The following ARHGAP22 variants were observed in gnomAD, a reference collection of about 807,000 sequenced individuals.
ARHGAP22 encodes Rho GTPase activating protein 22.
In ARHGAP22, 48 loss-of-function variants were observed where a neutral mutation model predicts 59.1. The observed-to-expected ratio is 0.81, with a 90% CI of 0.64 to 1.03. The LOEUF (loss-of-function observed/expected upper bound fraction) is 1.03. Among genes scored for constraint, ARHGAP22 ranks in the 50% least tolerant of loss-of-function variants. ARHGAP22 has a pLI of 0.00. For synonymous variants in ARHGAP22, 445 were observed against 416.4 expected (o/e 1.07, Z -0.84); for missense variants, 1,015 against 958.7 (o/e 1.06, Z -0.78).
At chr10:48,651,382 A>T (rs2136218074) in intron 1 of ARHGAP22, among the ~76,000 whole-genome samples, 1 of 152,126 alleles carries the variant, frequency 6.6e-6, no homozygotes, top group East Asian at 1.9e-4. Context: ...GCAGCCCAGC[A>T]CCTGCACAAC....
At chr10:48,485,813 G>A (rs2049797082) in intron 3 of ARHGAP22, among the ~76,000 whole-genome samples, 1 of 152,056 alleles carries the variant, frequency 6.6e-6, no homozygotes. Context: ...TAGCCATCCA[G>A]TTTTCTTTTG....
chr10:48,487,579 G>A (rs1007733408), intron 3 of ARHGAP22, among the ~76,000 whole-genome samples: 7 of 152,250 alleles, frequency 4.6e-5, no homozygotes, highest in Admixed American at 1.3e-4. Context: ...AGGGAGCCAG[G>A]AGCTGATGAA....
intron 4 of ARHGAP22, among the ~76,000 whole-genome samples, chr10:48,469,289 C>T (rs1276449006): frequency 6.6e-6 from 1 of 152,206 alleles, no homozygotes; most frequent in African/African-American, 2.4e-5. Context: ...CCAATGCCCA[C>T]CCCACCTCAG....
chr10:48,583,181 A>G (rs2059222907), intron 1 of ARHGAP22, 29 bp from the exon 2 acceptor site: 1 of 1,600,718 alleles, frequency 6.2e-7, no homozygotes, highest in Non-Finnish European at 8.5e-7. Context: ...CAGAGTGAGC[A>G]TGAAGGCAGC....
At chr10:48,539,335 A>G (rs1054938249) in intron 3 of ARHGAP22, among the ~76,000 whole-genome samples, 2 of 125,640 alleles carry the variant, frequency 1.6e-5, no homozygotes, top group East Asian at 3.1e-4. Context: ...TCTGTCGCCC[A>G]GGCTGGAGTG....
intron 3 of ARHGAP22, among the ~76,000 whole-genome samples, chr10:48,499,899 A>G (rs4838608): frequency 0.23 from 35,697 of 152,204 alleles, 7,289 homozygotes; most frequent in East Asian, 0.59. Context: ...AATTCTCTCT[A>G]ATTTGGTCTA....
At position 48,521,508 on chromosome 10, in the gene ARHGAP22, A is replaced by G. The variant is rs527905776; in HGVS notation, c.322+33955T>C. 2.0e-5 allele frequency among the ~76,000 whole-genome samples: 3 copies of G among 152,394 alleles called. No individual in the cohort carries two copies. The East Asian group carries it at 5.8e-4, about 29-fold the overall frequency. On this transcript the variant is annotated intron_variant, in intron 3 of 9. Coordinates refer to ENST00000249601, the MANE Select transcript of ARHGAP22 (RefSeq NM_021226.4). ...AAACATGCTAAAATGTTCTGTTGTA[A>G]GAGTTTGATTCATCCAAGAATGAAA... is the stretch of plus-strand genomic sequence containing the variant.
chr10:48,519,774 C>T (rs550492208), intron 3 of ARHGAP22, among the ~76,000 whole-genome samples: 1 of 152,230 alleles, frequency 6.6e-6, no homozygotes, highest in East Asian at 1.9e-4. Context: ...TGGTGTGGTG[C>T]GGAAACCAGA....
At chr10:48,568,566 C>T (rs543569059) in intron 2 of ARHGAP22, among the ~76,000 whole-genome samples, 7 of 152,334 alleles carry the variant, frequency 4.6e-5, no homozygotes, top group East Asian at 3.9e-4. Context: ...AGGGCACATG[C>T]GCTGAGCCTC....
At chr10:48,543,221 C>A (rs2056129360) in intron 3 of ARHGAP22, among the ~76,000 whole-genome samples, 2 of 152,218 alleles carry the variant, frequency 1.3e-5, no homozygotes, top group Non-Finnish European at 2.9e-5. Context: ...GGCCATTGAG[C>A]CCCGCAGAGT....
chr10:48,654,781 T>A (rs1297339524), upstream of ARHGAP22, among the ~76,000 whole-genome samples: 6 of 56,138 alleles, frequency 1.1e-4, no homozygotes, highest in African/African-American at 3.1e-4. Context: ...TTACTTTCTT[T>A]CTTTCTTTCT....
chr10:48,544,074 G>T (rs952978399), intron 3 of ARHGAP22, among the ~76,000 whole-genome samples: 2 of 152,010 alleles, frequency 1.3e-5, no homozygotes, highest in African/African-American at 4.8e-5. Flanking sequence ...AGTGAGCCAA[G>T]ATCGTGCCAC....
At chr10:48,541,800 T>C (rs1444844897) in intron 3 of ARHGAP22, among the ~76,000 whole-genome samples, 3 of 152,184 alleles carry the variant, frequency 2.0e-5, no homozygotes, top group Non-Finnish European at 4.4e-5. Context: ...TGGCTGAAGT[T>C]TGATCACCTA....
chr10:48,431,078 A>G, the ARHGAP22 span: 4 of 690,476 alleles, frequency 5.8e-6, no homozygotes, highest in East Asian at 5.5e-5. Context: ...CTGTCATTGT[A>G]AGGACACTGT....
chr10:48,475,567 C>T (rs560638530), intron 4 of ARHGAP22, among the ~76,000 whole-genome samples: 1 of 152,192 alleles, frequency 6.6e-6, no homozygotes, highest in Admixed American at 6.5e-5. Context: ...ATCAAAACAT[C>T]CCAGAATTAT....
In ARHGAP22 at chr10:48,614,112, G is replaced by A. The variant is rs76604045; in HGVS notation, c.53-30960C>T. On this transcript the variant is annotated intron_variant, in intron 1 of 9. Coordinates refer to the ARHGAP22 transcript ENST00000435790. ...TTCACTATAAATTACTCAGTCTGTGGTATTCTGTTATAGCAGCATAAAATG... is the reference window on the plus strand; with the variant it reads ...TTCACTATAAATTACTCAGTCTGTGATATTCTGTTATAGCAGCATAAAATG... Among the ~76,000 whole-genome samples the A allele has an allele frequency of 5.4e-3, 823 of 152,314 alleles. 5 individuals carry two copies. The highest frequency in any genetic ancestry group is 8.9e-3 in the Non-Finnish European group (605 of 68,030).
Position 48,459,839 on chromosome 10 carries a change from G to A in ARHGAP22, c.504C>T (p.Gly168=), listed in dbSNP as rs1426394741. 3.1e-6 allele frequency: 5 copies of A among 1,613,088 alleles called. No individual in the cohort carries two copies. The African/African-American group carries it at 5.3e-5, about 17-fold the overall frequency. The change falls in exon 5 of 10, where the codon GGC becomes GGT. Residue 168 remains glycine, a synonymous_variant. Coordinates refer to ENST00000249601, the MANE Select transcript of ARHGAP22 (RefSeq NM_021226.4). ...EETVHHERKY[G]PRLAPLLVEQ... is the part of the protein sequence containing the mutation. ...CCACCAGCAGGGGCGCCAGGCGGGG[G>A]CCATACTTCCGCTCGTGGTGGACTG... is the stretch of plus-strand genomic sequence containing the variant.
intron 3 of ARHGAP22, among the ~76,000 whole-genome samples, chr10:48,481,051 T>C (rs1304918001): frequency 1.3e-5 from 2 of 152,262 alleles, no homozygotes; most frequent in Non-Finnish European, 2.9e-5. Context: ...GCCAGGGCTC[T>C]GTGATAACCT....
chr10:48,467,752 G>A (rs924381131), intron 4 of ARHGAP22, among the ~76,000 whole-genome samples: 11 of 152,210 alleles, frequency 7.2e-5, no homozygotes, highest in Non-Finnish European at 1.6e-4. Context: ...AGCAGCCTGG[G>A]TTGAGCTAAG....
Sources: gnomAD v4.1 joint callset for allele counts (sites outside exome capture counted in the v4.1 genomes callset) on GRCh38, gnomAD v4.1.1 for gene constraint, MANE v1.5 for transcripts, NCBI Gene and HGNC (gene_info 2026-07-23, HGNC 2026-07-21) for gene names.